The following EGLN1 variants were observed in gnomAD, a reference collection of about 807,000 sequenced individuals.
EGLN1 encodes the protein egl-9 family hypoxia inducible factor 1.
A neutral mutation model predicts 38.3 loss-of-function variants in EGLN1; 17 were observed. That is an observed-to-expected ratio of 0.44 (90% CI 0.30 to 0.67). The LOEUF is 0.67. EGLN1 is among the 30% of genes least tolerant of loss of function. The pLI, the probability that EGLN1 is intolerant of heterozygous loss-of-function variation, is 0.08. For missense variants in EGLN1, 477 were observed against 603.3 expected, an observed-to-expected ratio of 0.79 and a Z score of 2.19; for synonymous variants, 283 against 257.5, an observed-to-expected ratio of 1.10 and a Z score of -0.95.
At chr1:231,394,479 C>T (rs1446640389) in intron 1 of EGLN1, among the ~76,000 whole-genome samples, 4 of 150,796 alleles carry the variant, frequency 2.7e-5, no homozygotes, top group Admixed American at 6.6e-5. Flanking sequence ...CCCAGGTTCA[C>T]GCCATTCTCC....
chr1:231,384,222 A>T (rs1445338791), intron 1 of EGLN1, among the ~76,000 whole-genome samples: 1 of 152,152 alleles, frequency 6.6e-6, no homozygotes, highest in Non-Finnish European at 1.5e-5. Flanking sequence ...TCATTCAACA[A>T]ATATTTTCTG....
chr1:231,404,817 TGAG>T (rs1441287117), intron 1 of EGLN1, among the ~76,000 whole-genome samples: 1 of 152,112 alleles, frequency 6.6e-6, no homozygotes, highest in Non-Finnish European at 1.5e-5. Flanking sequence ...GGAGAAGGCA[TGAG>T]GAGAGAAAGA....
At chr1:231,367,729 A>C in intron 3 of EGLN1, 93 bp from the exon 4 acceptor site, 1 of 1,035,570 alleles carries the variant, frequency 9.7e-7, no homozygotes, top group South Asian at 1.3e-5. Context: ...TGTAATGCCA[A>C]AATTATGCCT....
At chr1:231,420,971 C>T (rs748536745) in intron 1 of EGLN1, 27 bp downstream of exon 1, 9 of 1,613,764 alleles carry the variant, frequency 5.6e-6, no homozygotes, top group Admixed American at 5.0e-5. Context: ...AGGGCCTGTC[C>T]AGCACAAACC....
At position 231,421,976 on chromosome 1, in the gene EGLN1, G is replaced by C; in HGVS notation, c.-88C>G. ...GCCTCGCCCGAGGCTGGGGAGCGGG[G>C]AGAGAGATAGGGGCCGTTACTGCGC... On this transcript the variant is annotated 5_prime_UTR_variant, in exon 1 of 5. Transcript: ENST00000366641. This position sits in a 1 kb window ranked among gnomAD's most constrained non-coding sequence, Gnocchi z 5.5. 7.7e-7 allele frequency: 1 copy of C among 1,292,626 alleles called. No homozygotes were observed. Among genetic ancestry groups the C allele is most frequent in the East Asian group, 3.2e-5 (1 of 30,862 alleles). 80.1% of individuals were successfully genotyped at this position (1,292,626 alleles called of 1,614,324 possible).
chr1:231,390,340 A>C (rs147642210), intron 1 of EGLN1, among the ~76,000 whole-genome samples: 1 of 152,234 alleles, frequency 6.6e-6, no homozygotes, highest in Non-Finnish European at 1.5e-5. Context: ...AAAATGTTCC[A>C]TAAGTCTTAA....
chr1:231,419,203 G>A (rs1487054808), intron 1 of EGLN1, among the ~76,000 whole-genome samples: 5 of 152,080 alleles, frequency 3.3e-5, no homozygotes, highest in African/African-American at 1.2e-4. Flanking sequence ...GTACAGTTAC[G>A]TGACTTAAAA....
chr1:231,412,542 A>G (rs1178844285), intron 1 of EGLN1, among the ~76,000 whole-genome samples: 1 of 152,212 alleles, frequency 6.6e-6, no homozygotes, highest in Admixed American at 6.5e-5. Context: ...AAGCACAGAC[A>G]TACTTATAGA....
chr1:231,401,474 T>C (rs2244992), intron 1 of EGLN1, among the ~76,000 whole-genome samples: 82,839 of 152,066 alleles, frequency 0.54, 24,216 homozygotes, highest in Non-Finnish European at 0.65. Flanking sequence ...ACAAAAACCT[T>C]GTTAAAATGT....
At chr1:231,395,237 G>A (rs903758954) in intron 1 of EGLN1, among the ~76,000 whole-genome samples, 2 of 151,944 alleles carry the variant, frequency 1.3e-5, no homozygotes, top group Non-Finnish European at 2.9e-5. Flanking sequence ...TTTAGCTACC[G>A]CCCAATCATC....
intron 1 of EGLN1, among the ~76,000 whole-genome samples, chr1:231,416,743 T>A (rs2102942420): frequency 6.6e-6 from 1 of 152,268 alleles, no homozygotes; most frequent in Non-Finnish European, 1.5e-5. Flanking sequence ...ACACATCAAC[T>A]CACTACACAA....
intron 2 of EGLN1, among the ~76,000 whole-genome samples, chr1:231,371,420 T>C (rs1336196159): frequency 6.6e-6 from 1 of 152,182 alleles, no homozygotes; most frequent in African/African-American, 2.4e-5. Flanking sequence ...CAATAAACAA[T>C]AGGATAGTCA....
At chr1:231,397,557 G>C (rs1304770662) in intron 1 of EGLN1, among the ~76,000 whole-genome samples, 1 of 152,174 alleles carries the variant, frequency 6.6e-6, no homozygotes, top group African/African-American at 2.4e-5. Flanking sequence ...TAGCAGAGTT[G>C]AGTAGTTGCA....
At chr1:231,409,144 A>G (rs1688866051) in intron 1 of EGLN1, among the ~76,000 whole-genome samples, 1 of 152,020 alleles carries the variant, frequency 6.6e-6, no homozygotes. Context: ...TGATAAAGGA[A>G]AGTATGTTCT....
chr1:231,418,348 T>C (rs745657432), intron 1 of EGLN1, among the ~76,000 whole-genome samples: 3 of 152,216 alleles, frequency 2.0e-5, no homozygotes, highest in Non-Finnish European at 4.4e-5. Context: ...TTCAACAAAA[T>C]ATATGTATCA....
In EGLN1 at chr1:231,421,073, G is replaced by A. The variant is rs1397779178; in HGVS notation, c.816C>T (p.Leu272=). ...KEPGCETIGL[L]MSSMDDLIRH... ...GTATCAGGTCGTCCATGCTGCTCATGAGCAGCCCAATGGTTTCGCAGCCGG... is the reference window on the plus strand; with the variant it reads ...GTATCAGGTCGTCCATGCTGCTCATAAGCAGCCCAATGGTTTCGCAGCCGG... The change falls in exon 1 of 5, where the codon CTC becomes CTT. Residue 272 remains leucine (L), a synonymous_variant. Coordinates refer to ENST00000366641, the MANE Select transcript of EGLN1 (RefSeq NM_022051.3). The surrounding 1 kb of genome is among the most constrained non-coding windows in gnomAD (Gnocchi z 5.5). The A allele has an allele frequency of 1.9e-6, 3 of 1,614,054 alleles. No individual in the cohort carries two copies. Among genetic ancestry groups the A allele is most frequent in the Non-Finnish European group, 1.7e-6 (2 of 1,180,040 alleles).
intron 1 of EGLN1, among the ~76,000 whole-genome samples, chr1:231,403,094 G>A (rs560161518): frequency 6.6e-6 from 1 of 152,036 alleles, no homozygotes; most frequent in African/African-American, 2.4e-5. Context: ...TTTCATAGTG[G>A]TTAGAGAATA....
chr1:231,392,684 A>G (rs115764480), intron 1 of EGLN1, among the ~76,000 whole-genome samples: 4,872 of 152,302 alleles, frequency 0.032, 262 homozygotes, highest in African/African-American at 0.11. Flanking sequence ...GAATACATGT[A>G]AAAGACTAGC....
chr1:231,390,397 G>A (rs908109401), intron 1 of EGLN1, among the ~76,000 whole-genome samples: 3 of 152,092 alleles, frequency 2.0e-5, no homozygotes, highest in African/African-American at 4.8e-5. Flanking sequence ...TATGTGCCAC[G>A]TACTATGCTA....
Sources: allele counts gnomAD v4.1 joint callset (sites outside exome capture counted in the v4.1 genomes callset), GRCh38; gene constraint gnomAD v4.1.1; non-coding constraint Gnocchi (gnomAD v3.1); transcripts MANE v1.5; gene names NCBI Gene and HGNC (gene_info 2026-07-23, HGNC 2026-07-21).